Variants in GRID2 observed in about 807,000 individuals in gnomAD.
The protein encoded by GRID2 is glutamate receptor ionotropic, delta-2.
A neutral mutation model predicts 114.8 loss-of-function variants in GRID2; 33 were observed. The observed-to-expected ratio is 0.29, with a 90% CI of 0.22 to 0.38. GRID2 has a LOEUF of 0.38. GRID2 is among the 10% of genes least tolerant of loss of function. The pLI is 1.00. For synonymous variants in GRID2, 505 were observed against 449.9 expected, an observed-to-expected ratio of 1.12 and a Z score of -1.55; for missense variants, 1,184 against 1,257.7, an observed-to-expected ratio of 0.94 and a Z score of 0.89.
intron 2 of GRID2, among the ~76,000 whole-genome samples, chr4:93,044,195 A>G (rs1725904006): frequency 6.6e-6 from 1 of 152,124 alleles, no homozygotes; most frequent in South Asian, 2.1e-4. Context: ...TAGAGTTTAT[A>G]CAAATTGTTA....
chr4:92,944,667 A>T (rs1406299667), intron 2 of GRID2, among the ~76,000 whole-genome samples: 1 of 152,218 alleles, frequency 6.6e-6, no homozygotes, highest in African/African-American at 2.4e-5. Context: ...GGAGCTGTAG[A>T]CTGGAGCTGT....
At chr4:93,638,033 C>G (rs567771713) in intron 14 of GRID2, among the ~76,000 whole-genome samples, 2 of 152,164 alleles carry the variant, frequency 1.3e-5, no homozygotes, top group South Asian at 2.1e-4. Flanking sequence ...GAATAAGAGT[C>G]ATTATTCTAT....
chr4:92,605,051 A>G (rs777211133), intron 2 of GRID2, among the ~76,000 whole-genome samples: 1 of 152,032 alleles, frequency 6.6e-6, no homozygotes, highest in Non-Finnish European at 1.5e-5. Flanking sequence ...TGTGAAGAAG[A>G]TGCCTTGCTT....
intron 8 of GRID2, among the ~76,000 whole-genome samples, chr4:93,324,470 T>G (rs1250478327): frequency 6.6e-6 from 1 of 152,192 alleles, no homozygotes; most frequent in Non-Finnish European, 1.5e-5. Flanking sequence ...AAATCGATGT[T>G]CATCAGGGAT....
chr4:93,079,661 A>G (rs1729674429), intron 2 of GRID2, among the ~76,000 whole-genome samples: 1 of 152,082 alleles, frequency 6.6e-6, no homozygotes, highest in Non-Finnish European at 1.5e-5. Flanking sequence ...TGAAAGTTGG[A>G]ATAATAATAG....
At chr4:93,303,239 C>T (rs542394382) in intron 8 of GRID2, among the ~76,000 whole-genome samples, 4 of 152,256 alleles carry the variant, frequency 2.6e-5, no homozygotes, top group East Asian at 1.9e-4. Flanking sequence ...GATTACAATT[C>T]GACATGAGAT....
intron 4 of GRID2, among the ~76,000 whole-genome samples, chr4:93,171,527 C>T (rs1212442477): frequency 6.6e-6 from 1 of 152,184 alleles, no homozygotes; most frequent in Non-Finnish European, 1.5e-5. Flanking sequence ...CCTTTGACAT[C>T]TCACCAGAAT....
chr4:93,453,719 A>G (rs1722934515), intron 10 of GRID2, among the ~76,000 whole-genome samples: 1 of 152,150 alleles, frequency 6.6e-6, no homozygotes, highest in Non-Finnish European at 1.5e-5. Flanking sequence ...CATTTTATAA[A>G]TATTATCAAC....
chr4:93,187,928 G>A (rs552554521), intron 4 of GRID2, among the ~76,000 whole-genome samples: 8 of 152,238 alleles, frequency 5.3e-5, no homozygotes, highest in Middle Eastern at 3.4e-3. Context: ...GTCAAGCATC[G>A]GGCCCCCAAG....
chr4:92,846,726 C>G (rs1394477206), intron 2 of GRID2, among the ~76,000 whole-genome samples: 1 of 152,106 alleles, frequency 6.6e-6, no homozygotes, highest in Non-Finnish European at 1.5e-5. Flanking sequence ...TTTACTCACC[C>G]TTCCAGCTTA....
intron 14 of GRID2, among the ~76,000 whole-genome samples, chr4:93,694,315 C>G (rs975402979): frequency 6.6e-6 from 1 of 152,126 alleles, no homozygotes. Context: ...TCCGCAAAGC[C>G]CCCAGAACCT....
chr4:93,214,158 G>T (rs1743914631), intron 5 of GRID2, among the ~76,000 whole-genome samples: 1 of 151,896 alleles, frequency 6.6e-6, no homozygotes, highest in Non-Finnish European at 1.5e-5. Flanking sequence ...ATATTTAATG[G>T]TGCTGGGGGC....
chr4:93,122,184 A>C (rs1017347639), intron 4 of GRID2, among the ~76,000 whole-genome samples: 2 of 152,196 alleles, frequency 1.3e-5, no homozygotes, highest in African/African-American at 4.8e-5. Context: ...AATCATGAAG[A>C]TCTACATACA....
At chr4:92,790,944 T>C (rs1334805266) in intron 2 of GRID2, among the ~76,000 whole-genome samples, 1 of 151,820 alleles carries the variant, frequency 6.6e-6, no homozygotes, top group African/African-American at 2.4e-5. Flanking sequence ...AGCCTTATGT[T>C]ACCTTCGGCA....
chr4:93,134,592 A>G (rs1030180688), intron 4 of GRID2, among the ~76,000 whole-genome samples: 1 of 152,200 alleles, frequency 6.6e-6, no homozygotes, highest in Non-Finnish European at 1.5e-5. Flanking sequence ...GTGTTTTCAC[A>G]AAAGTGCTAT....
chr4:93,237,802 G>A (rs1032588880), intron 7 of GRID2, among the ~76,000 whole-genome samples: 21 of 151,688 alleles, frequency 1.4e-4, no homozygotes, highest in African/African-American at 5.1e-4. Flanking sequence ...CCCGTTAAGA[G>A]CAAAAACAGA....
At chr4:92,794,905 T>TACACAC (rs1553928475) in intron 2 of GRID2, among the ~76,000 whole-genome samples, 31 of 127,802 alleles carry the variant, frequency 2.4e-4, no homozygotes, top group African/African-American at 6.2e-4. Context: ...TATATATATA[T>TACACAC]ACACACACAC....
chr4:92,498,369 A>G (rs1723497482), intron 1 of GRID2, among the ~76,000 whole-genome samples: 1 of 151,918 alleles, frequency 6.6e-6, no homozygotes, highest in South Asian at 2.1e-4. Flanking sequence ...TTGTGCAGTA[A>G]GAGCATATAT....
chr4:92,893,709 A>G (rs1212294305), intron 2 of GRID2, among the ~76,000 whole-genome samples: 1 of 152,168 alleles, frequency 6.6e-6, no homozygotes, highest in East Asian at 1.9e-4. Flanking sequence ...CACAGCTGGC[A>G]CAGGTGAAAG....
Sources: gnomAD v4.1 joint callset for allele counts (sites outside exome capture counted in the v4.1 genomes callset) on GRCh38, gnomAD v4.1.1 for gene constraint, MANE v1.5 for transcripts, NCBI Gene and HGNC (gene_info 2026-07-23, HGNC 2026-07-21) for gene names.